The following LOC112694756 variants were observed in gnomAD, a reference collection of about 807,000 sequenced individuals.
chr16:30,069,401 C>T, the LOC112694756 span: 2 of 1,614,138 alleles, frequency 1.2e-6, no homozygotes, highest in African/African-American at 1.3e-5. Context: ...TAAATGGCTA[C>T]CTGCCTGACC....
the LOC112694756 span, chr16:30,069,999 T>C: frequency 1.9e-6 from 3 of 1,613,772 alleles, no homozygotes; most frequent in East Asian, 6.7e-5. Context: ...ACCTGAAGGC[T>C]GCGCAGGAGG....
chr16:30,069,126 G>A, the LOC112694756 span: 1 of 1,400,862 alleles, frequency 7.1e-7, no homozygotes, highest in Non-Finnish European at 9.9e-7. Flanking sequence ...GTTGAAGGCA[G>A]AGGGGCCAAG....
the LOC112694756 span, chr16:30,066,089 C>G: frequency 1.3e-5 from 2 of 152,748 alleles, no homozygotes; most frequent in African/African-American, 4.8e-5. Flanking sequence ...CTGAGGTCCT[C>G]TAACTGCGCA....
the LOC112694756 span, chr16:30,069,124 C>T: frequency 7.1e-7 from 1 of 1,402,018 alleles, no homozygotes; most frequent in Non-Finnish European, 9.9e-7. Context: ...CTGTTGAAGG[C>T]AGAGGGGCCA....
chr16:30,067,625 A>G, the LOC112694756 span: 4 of 1,614,142 alleles, frequency 2.5e-6, no homozygotes, highest in South Asian at 1.1e-5. Context: ...CCTTCCCCCA[A>G]GTTATCAAAT....
At chr16:30,069,935 A>C in the LOC112694756 span, 2 of 1,613,966 alleles carry the variant, frequency 1.2e-6, no homozygotes, top group Non-Finnish European at 1.7e-6. Context: ...ACCTTCTCCT[A>C]CGGCCGAGCC....
At chr16:30,059,502 AAATAAT>A in the LOC112694756 span, among the ~76,000 whole-genome samples, 612 of 151,084 alleles carry the variant, frequency 4.1e-3, 7 homozygotes, top group African/African-American at 0.013. Flanking sequence ...CCGTCTCAAA[AAATAAT>A]AATAATAATA....
chr16:30,053,668 CG>C, the LOC112694756 span, among the ~76,000 whole-genome samples: 1 of 152,190 alleles, frequency 6.6e-6, no homozygotes, highest in Non-Finnish European at 1.5e-5. Flanking sequence ...GGACTTCCCA[CG>C]GGAGGGCACA....
the LOC112694756 span, chr16:30,069,729 C>T: frequency 6.2e-7 from 1 of 1,611,698 alleles, no homozygotes; most frequent in Admixed American, 1.7e-5. Flanking sequence ...ACCCACAACC[C>T]TATGCCCATT....
At chr16:30,059,405 G>C in the LOC112694756 span, among the ~76,000 whole-genome samples, 1 of 151,920 alleles carries the variant, frequency 6.6e-6, no homozygotes, top group Non-Finnish European at 1.5e-5. Context: ...GGCTGAGGCA[G>C]GAGAATGCTG....
the LOC112694756 span, chr16:30,065,782 T>G: frequency 6.6e-6 from 1 of 152,652 alleles, no homozygotes; most frequent in African/African-American, 2.4e-5. Flanking sequence ...CGCCGCCCCT[T>G]CCGAGGCTAA....
the LOC112694756 span, chr16:30,053,458 C>T: frequency 1.3e-5 from 2 of 152,984 alleles, no homozygotes; most frequent in African/African-American, 4.8e-5. Flanking sequence ...AACCTTCCTT[C>T]TGCAGCTCCC....
At chr16:30,070,188 C>G in the LOC112694756 span, 2 of 1,614,170 alleles carry the variant, frequency 1.2e-6, no homozygotes, top group African/African-American at 1.3e-5. Flanking sequence ...GCGAGTCCCT[C>G]TTCGTCTCTA....
At chr16:30,061,148 G>A in the LOC112694756 span, among the ~76,000 whole-genome samples, 9 of 152,224 alleles carry the variant, frequency 5.9e-5, no homozygotes, top group African/African-American at 2.2e-4. Flanking sequence ...AGGCAGTTGC[G>A]GGTCATCCCT....
chr16:30,070,323 CCCTCG>C, the LOC112694756 span: 4 of 993,182 alleles, frequency 4.0e-6, no homozygotes, highest in African/African-American at 6.4e-5. Flanking sequence ...GCTCTTTCTT[CCCTCG>C]TGACAGTGGT....
the LOC112694756 span, chr16:30,067,573 T>C: frequency 6.2e-7 from 1 of 1,613,962 alleles, no homozygotes. Context: ...GGTGTCATCC[T>C]CTTCCATGAG....
the LOC112694756 span, among the ~76,000 whole-genome samples, chr16:30,059,534 C>CTT: frequency 2.1e-5 from 3 of 141,164 alleles, no homozygotes; most frequent in Non-Finnish European, 1.6e-5. Context: ...ATCTCTCTTT[C>CTT]TTTTTTTTTT....
chr16:30,069,836 C>A, the LOC112694756 span: 1 of 1,614,146 alleles, frequency 6.2e-7, no homozygotes, highest in Non-Finnish European at 8.5e-7. Flanking sequence ...ACAGGGATCA[C>A]CTTCCTGTCT....
the LOC112694756 span, among the ~76,000 whole-genome samples, chr16:30,058,733 T>C: frequency 2.0e-5 from 3 of 152,000 alleles, no homozygotes; most frequent in East Asian, 1.9e-4. Context: ...CCGCCCGCCT[T>C]GGCCTCCCAA....
Sources: gnomAD v4.1 joint callset for allele counts (sites outside exome capture counted in the v4.1 genomes callset) on GRCh38, gnomAD v4.1.1 for gene constraint, MANE v1.5 for transcripts.